The following MAD1L1 variants were observed in gnomAD, a reference collection of about 807,000 sequenced individuals.
The protein encoded by MAD1L1 is mitotic spindle assembly checkpoint protein MAD1.
Under a neutral mutation model 96.9 loss-of-function variants are expected in MAD1L1, and 95 were observed. The observed-to-expected ratio is 0.98, with a 90% CI of 0.83 to 1.16. The LOEUF is 1.16. MAD1L1 is among the 50% of genes most tolerant of loss of function. The pLI is 0.00. For synonymous variants in MAD1L1, 473 were observed against 396.6 expected, an observed-to-expected ratio of 1.19 and a Z score of -2.29; for missense variants, 1,007 against 954.4, an observed-to-expected ratio of 1.06 and a Z score of -0.73.
In MAD1L1 at chr7:2,014,550, C is replaced by T. The variant is rs780732242; in HGVS notation, c.1311G>A (p.Glu437=). Residue 437 remains glutamate, a synonymous_variant, in exon 13 of 19, where the codon GAG becomes GAA. Coordinates refer to ENST00000265854, the MANE Select transcript of MAD1L1 (RefSeq NM_001013836.2). Reference sequence around the variant, plus strand: ...GCACCTTCTGCACCATATCCTCAGCCTCCCGCATGCGCCGCGTCAGCTGGG... The same window carrying T: ...GCACCTTCTGCACCATATCCTCAGCTTCCCGCATGCGCCGCGTCAGCTGGG... ...YSPQLTRRMR[E]AEDMVQKVHS... 7 of 1,610,650 alleles carry T rather than the reference C, an allele frequency of 4.3e-6. No homozygotes were observed. Among genetic ancestry groups the T allele is most frequent in the Non-Finnish European group, 5.9e-6 (7 of 1,179,724 alleles).
intron 17 of MAD1L1, among the ~76,000 whole-genome samples, chr7:1,909,129 G>C (rs1396021618): frequency 6.6e-6 from 1 of 152,220 alleles, no homozygotes; most frequent in Non-Finnish European, 1.5e-5. Context: ...CGACACCGGC[G>C]TGGTGTACTA....
chr7:1,958,744 G>A (rs927704531), intron 15 of MAD1L1, among the ~76,000 whole-genome samples: 5 of 152,178 alleles, frequency 3.3e-5, no homozygotes, highest in Admixed American at 3.3e-4. Context: ...CTACCAAGAC[G>A]CAGCATTGCA....
At chr7:2,126,746 C>T (rs909240412) in intron 11 of MAD1L1, among the ~76,000 whole-genome samples, 6 of 152,230 alleles carry the variant, frequency 3.9e-5, no homozygotes, top group East Asian at 3.9e-4. Context: ...GCAGAGTGAC[C>T]GCTGGGCAGC....
intron 11 of MAD1L1, among the ~76,000 whole-genome samples, 160 bp downstream of exon 11, chr7:2,148,992 C>T (rs140488028): frequency 3.3e-5 from 5 of 152,260 alleles, no homozygotes; most frequent in African/African-American, 4.8e-5. Context: ...GGGGCAAACC[C>T]TTCCCTCAAA....
intron 12 of MAD1L1, among the ~76,000 whole-genome samples, chr7:2,062,755 C>T (rs1029756347): frequency 2.0e-5 from 3 of 152,152 alleles, no homozygotes; most frequent in African/African-American, 7.2e-5. Flanking sequence ...GAACAAGCCT[C>T]CCGAGGTGGG....
At chr7:2,007,013 C>T (rs1388992974) in intron 13 of MAD1L1, among the ~76,000 whole-genome samples, 3 of 151,992 alleles carry the variant, frequency 2.0e-5, no homozygotes, top group African/African-American at 4.8e-5. Flanking sequence ...GGACGCAGGC[C>T]GGGGCAGTGC....
In MAD1L1 at chr7:2,112,453, C is replaced by T. The variant is rs576163819; in HGVS notation, c.1073+36699G>A. On this transcript the variant is annotated intron_variant, in intron 11 of 18. Coordinates refer to ENST00000265854, the MANE Select transcript of MAD1L1 (RefSeq NM_001013836.2). ...GAGAAAACGCCACTTCCACTGGGAACGGTAGGCCAAGGACAGAACGGCCTG... is the reference window on the plus strand; with the variant it reads ...GAGAAAACGCCACTTCCACTGGGAATGGTAGGCCAAGGACAGAACGGCCTG... Among the ~76,000 whole-genome samples the T allele has an allele frequency of 5.9e-5, 9 of 152,330 alleles. No homozygotes were observed. In the South Asian group the frequency reaches 1.2e-3, roughly 21 times the overall value.
intron 17 of MAD1L1, among the ~76,000 whole-genome samples, chr7:1,927,498 A>G (rs1052044267): frequency 1.3e-5 from 2 of 152,222 alleles, no homozygotes; most frequent in Non-Finnish European, 2.9e-5. Flanking sequence ...CGCTTAGATC[A>G]AGGGAACAGA....
intron 15 of MAD1L1, among the ~76,000 whole-genome samples, chr7:1,959,781 C>T (rs893484602): frequency 1.3e-5 from 2 of 152,154 alleles, no homozygotes; most frequent in African/African-American, 4.8e-5. Flanking sequence ...ACCTGCTCTA[C>T]AGAAATGTCA....
At chr7:2,115,909 G>A (rs1474189952) in intron 11 of MAD1L1, among the ~76,000 whole-genome samples, 1 of 152,224 alleles carries the variant, frequency 6.6e-6, no homozygotes, top group Non-Finnish European at 1.5e-5. Flanking sequence ...TCCTGCCCCA[G>A]GCCCACACCC....
intron 12 of MAD1L1, among the ~76,000 whole-genome samples, chr7:2,067,216 G>C (rs1232007480): frequency 6.1e-5 from 8 of 131,160 alleles, no homozygotes; most frequent in Non-Finnish European, 1.2e-4. Context: ...GGGTCATCAG[G>C]CCATGTTCGC....
chr7:1,994,556 G>A (rs1295226193), intron 14 of MAD1L1, among the ~76,000 whole-genome samples: 1 of 152,206 alleles, frequency 6.6e-6, no homozygotes, highest in South Asian at 2.1e-4. Flanking sequence ...CACACAGCAG[G>A]AAGGAGGTGG....
At chr7:2,076,961 CGGTGAGCCCGCAGCAT>C (rs374461824) in intron 11 of MAD1L1, among the ~76,000 whole-genome samples, 3 of 140,338 alleles carry the variant, frequency 2.1e-5, no homozygotes, top group African/African-American at 8.8e-5. Flanking sequence ...GCCCGCGGCA[CGGTGAGCCCGCAGCAT>C]GGTGAGCCCG....
intron 12 of MAD1L1, among the ~76,000 whole-genome samples, chr7:2,051,975 G>A (rs917078657): frequency 1.3e-5 from 2 of 152,116 alleles, no homozygotes; most frequent in South Asian, 2.1e-4. Flanking sequence ...TCTGGGAAGC[G>A]TGTTGGGAAT....
intron 15 of MAD1L1, among the ~76,000 whole-genome samples, chr7:1,971,922 T>C (rs1331479002): frequency 2.6e-5 from 4 of 152,122 alleles, no homozygotes; most frequent in Non-Finnish European, 1.5e-5. Flanking sequence ...TGGAGACCTT[T>C]AAAACAGAAT....
chr7:1,856,586 T>C (rs1372537753), intron 18 of MAD1L1, among the ~76,000 whole-genome samples: 1 of 152,222 alleles, frequency 6.6e-6, no homozygotes, highest in Non-Finnish European at 1.5e-5. Context: ...ATCCGCTGCG[T>C]GCTGTGTGAG....
intron 12 of MAD1L1, among the ~76,000 whole-genome samples, chr7:2,023,255 A>T (rs1782863129): frequency 6.6e-6 from 1 of 152,194 alleles, no homozygotes; most frequent in South Asian, 2.1e-4. Context: ...CTCATATGGA[A>T]AATTTACCTA....
In MAD1L1 at chr7:1,938,276, G is replaced by GGCAGGGAGGT. The variant is rs1434355332; in HGVS notation, c.1597-1389_1597-1380dup. Among the ~76,000 whole-genome samples the GGCAGGGAGGT allele has an allele frequency of 5.5e-5, 5 of 91,426 alleles. No homozygotes were observed. The East Asian group carries it at 1.7e-3, about 31-fold the overall frequency. The allele number at this position is 91,426 out of a possible 152,430, so 60.0% of individuals were successfully genotyped here. A position where few individuals can be genotyped will look rare whatever the true frequency, so the allele number is the denominator to read the frequency against. On this transcript the variant is annotated intron_variant, in intron 16 of 18. Transcript: ENST00000265854. ...CCACACACAAACAACAGCCGCCCACGGCAGGGAGGTGCAGGGTCACTGCAC... is the reference window on the plus strand; with the variant it reads ...CCACACACAAACAACAGCCGCCCACGGCAGGGAGGTGCAGGGAGGTGCAGGGTCACTGCAC...
chr7:1,858,530 G>A (rs558646151), intron 18 of MAD1L1, among the ~76,000 whole-genome samples: 95 of 152,326 alleles, frequency 6.2e-4, no homozygotes, highest in African/African-American at 2.2e-3. Flanking sequence ...AGGGACAGGC[G>A]TCCTGGGGTC....
Sources: gnomAD v4.1 joint callset for allele counts (sites outside exome capture counted in the v4.1 genomes callset) on GRCh38, gnomAD v4.1.1 for gene constraint, MANE v1.5 for transcripts, NCBI Gene and HGNC (gene_info 2026-07-23, HGNC 2026-07-21) for gene names.